Variants in KCTD8 observed in about 807,000 individuals in gnomAD.
KCTD8 encodes the protein BTB/POZ domain-containing protein KCTD8.
KCTD8 carries 27 observed loss-of-function variants against 31.5 expected under a neutral mutation model. The ratio of observed to expected loss-of-function variants is 0.86; its 90% confidence interval spans 0.63 to 1.18. The LOEUF is 1.18. KCTD8 is among the 50% of genes most tolerant of loss of function. The pLI, the probability that KCTD8 is intolerant of heterozygous loss-of-function variation, is 0.00. For missense variants in KCTD8, 658 were observed against 647.7 expected (o/e 1.02, Z -0.17); for synonymous variants, 290 against 280.0 (o/e 1.04, Z -0.36).
chr4:44,358,595 GTCTC>G (rs1719408522), intron 1 of KCTD8, among the ~76,000 whole-genome samples: 3 of 150,242 alleles, frequency 2.0e-5, no homozygotes, highest in Non-Finnish European at 4.4e-5. Flanking sequence ...TTGAGATGGA[GTCTC>G]TCTCTGTCAC....
intron 1 of KCTD8, among the ~76,000 whole-genome samples, chr4:44,237,245 T>TA: frequency 6.6e-6 from 1 of 152,130 alleles, no homozygotes; most frequent in Admixed American, 6.5e-5. Context: ...CTTTTTTTTT[T>TA]AATACCTTTT....
intron 1 of KCTD8, among the ~76,000 whole-genome samples, chr4:44,269,074 C>G (rs1716488441): frequency 6.6e-6 from 1 of 152,132 alleles, no homozygotes; most frequent in Non-Finnish European, 1.5e-5. Flanking sequence ...AAAGAGCCCT[C>G]ATTGCCAAGT....
intron 1 of KCTD8, among the ~76,000 whole-genome samples, chr4:44,178,445 C>T (rs908177836): frequency 8.5e-5 from 13 of 152,096 alleles, no homozygotes; most frequent in South Asian, 6.2e-4. Flanking sequence ...ATTCAACACC[C>T]TAATACAACA....
chr4:44,189,273 A>G (rs1713687843), intron 1 of KCTD8, among the ~76,000 whole-genome samples: 1 of 152,172 alleles, frequency 6.6e-6, no homozygotes. Context: ...TGTCTCCTCA[A>G]ATACTGCCAT....
intron 1 of KCTD8, among the ~76,000 whole-genome samples, chr4:44,240,532 C>T (rs776042601): frequency 2.6e-5 from 4 of 152,134 alleles, no homozygotes; most frequent in African/African-American, 4.8e-5. Context: ...GACGAGGTCT[C>T]GATATGTTGT....
At chr4:44,374,843 A>G (rs1438755317) in intron 1 of KCTD8, among the ~76,000 whole-genome samples, 1 of 152,184 alleles carries the variant, frequency 6.6e-6, no homozygotes, top group Non-Finnish European at 1.5e-5. Flanking sequence ...ATCACAGATC[A>G]TCATAACAGA....
chr4:44,216,322 G>A (rs1714650218), intron 1 of KCTD8, among the ~76,000 whole-genome samples: 1 of 152,040 alleles, frequency 6.6e-6, no homozygotes, highest in African/African-American at 2.4e-5. Flanking sequence ...ATCGTATTGT[G>A]ATATTATTAC....
intron 1 of KCTD8, among the ~76,000 whole-genome samples, chr4:44,214,748 G>A (rs774285652): frequency 1.3e-5 from 2 of 152,074 alleles, no homozygotes; most frequent in African/African-American, 4.8e-5. Flanking sequence ...AAACAAAGTC[G>A]GTAACAGTCC....
chr4:44,211,632 T>C (rs372767086), intron 1 of KCTD8, among the ~76,000 whole-genome samples: 1 of 152,162 alleles, frequency 6.6e-6, no homozygotes, highest in East Asian at 1.9e-4. Flanking sequence ...GTGAACTTTC[T>C]AACTAATGCT....
chr4:44,446,962 A>G (rs1721954699), intron 1 of KCTD8, among the ~76,000 whole-genome samples: 1 of 151,868 alleles, frequency 6.6e-6, no homozygotes, highest in Non-Finnish European at 1.5e-5. Context: ...CTTTCCCCAC[A>G]CCCGCTCTCA....
chr4:44,445,193 A>C (rs536048485), intron 1 of KCTD8, among the ~76,000 whole-genome samples: 2 of 152,312 alleles, frequency 1.3e-5, no homozygotes, highest in African/African-American at 2.4e-5. Context: ...ATTCAAAATA[A>C]TGTGTAAAAA....
At chr4:44,288,269 C>T (rs1448618128) in intron 1 of KCTD8, among the ~76,000 whole-genome samples, 1 of 152,094 alleles carries the variant, frequency 6.6e-6, no homozygotes. Flanking sequence ...ATTGTACACT[C>T]ATCCAAGCAT....
At chr4:44,435,175 A>G (rs1721612402) in intron 1 of KCTD8, among the ~76,000 whole-genome samples, 3 of 152,000 alleles carry the variant, frequency 2.0e-5, no homozygotes. Flanking sequence ...TTCATATAGT[A>G]CAATTCAACT....
At chr4:44,301,535 A>T (rs1577602815) in intron 1 of KCTD8, among the ~76,000 whole-genome samples, 1 of 152,232 alleles carries the variant, frequency 6.6e-6, no homozygotes, top group East Asian at 1.9e-4. Flanking sequence ...GTGTCTGTTC[A>T]TATCCTTTGC....
chr4:44,309,196 T>C (rs1717884189), intron 1 of KCTD8, among the ~76,000 whole-genome samples: 1 of 151,910 alleles, frequency 6.6e-6, no homozygotes, highest in South Asian at 2.1e-4. Context: ...CCACTATGTC[T>C]GGCTAATTTT....
At chr4:44,231,272 G>T (rs78508082) in intron 1 of KCTD8, among the ~76,000 whole-genome samples, 1 of 151,904 alleles carries the variant, frequency 6.6e-6, no homozygotes, top group African/African-American at 2.4e-5. Context: ...TCTTTTTATA[G>T]TTGCTTCAAT....
chr4:44,204,702 A>G (rs1001158786), intron 1 of KCTD8, among the ~76,000 whole-genome samples: 1 of 152,128 alleles, frequency 6.6e-6, no homozygotes, highest in Non-Finnish European at 1.5e-5. Flanking sequence ...CCTGCTACAC[A>G]TTAAACTCAG....
intron 1 of KCTD8, among the ~76,000 whole-genome samples, chr4:44,311,335 C>T (rs899228457): frequency 6.6e-6 from 1 of 152,042 alleles, no homozygotes; most frequent in Admixed American, 6.6e-5. Context: ...AAATCATTTT[C>T]TCTGATAATA....
intron 1 of KCTD8, among the ~76,000 whole-genome samples, chr4:44,267,108 A>T (rs955419811): frequency 1.3e-5 from 2 of 152,110 alleles, no homozygotes; most frequent in African/African-American, 2.4e-5. Context: ...TCAGCACCAC[A>T]CCACACCTAT....
Sources: allele counts gnomAD v4.1 joint callset (sites outside exome capture counted in the v4.1 genomes callset), GRCh38; gene constraint gnomAD v4.1.1; transcripts MANE v1.5; gene names NCBI Gene and HGNC (gene_info 2026-07-23, HGNC 2026-07-21).